Variants in JDP2 observed in about 807,000 individuals in gnomAD.
JDP2 encodes progesterone receptor co-activator.
A neutral mutation model predicts 17.1 loss-of-function variants in JDP2; 9 were observed. The ratio of observed to expected loss-of-function variants is 0.53; its 90% CI spans 0.32 to 0.92. JDP2 has a LOEUF of 0.92. JDP2 is among the 40% of genes least tolerant of loss of function. The probability of loss-of-function intolerance (pLI) is 0.04; values close to 1 mark genes in which losing one functional copy is unlikely to be tolerated. For missense variants in JDP2, 179 were observed against 220.0 expected, an observed-to-expected ratio of 0.81 and a Z score of 1.18; for synonymous variants, 107 against 95.6, an observed-to-expected ratio of 1.12 and a Z score of -0.69.
chr14:75,442,222 TA>T (rs960628936), intron 2 of JDP2, among the ~76,000 whole-genome samples: 1 of 152,160 alleles, frequency 6.6e-6, no homozygotes. Flanking sequence ...TTTTCTTTTT[TA>T]AAAAATTGAA....
intron 2 of JDP2, chr14:75,445,272 C>A: frequency 1.0e-6 from 1 of 985,422 alleles, no homozygotes; most frequent in Non-Finnish European, 1.2e-6. Context: ...TGGATTCAGG[C>A]GGGATGTGAA....
rs147116241 is a variant in JDP2, at chr14:75,433,059, G to A, written c.-24+4807G>A. Among the ~76,000 whole-genome samples, 447 of 151,678 alleles carry A rather than the reference G, an allele frequency of 2.9e-3. 1 individual carries two copies. Among genetic ancestry groups the A allele is most frequent in the African/African-American group, 0.01 (426 of 41,352 alleles). On this transcript the variant is annotated intron_variant, in intron 1 of 3. Transcript: ENST00000651602. ...TCTACTAAAAAATTAGCCAGGCATG[G>A]TGGCGCATGCCTGTAATCCCAGCTA... is the stretch of plus-strand genomic sequence containing the variant.
intron 2 of JDP2, among the ~76,000 whole-genome samples, chr14:75,442,775 G>A (rs1885414067): frequency 6.6e-6 from 1 of 152,166 alleles, no homozygotes; most frequent in South Asian, 2.1e-4. Context: ...ATATCTGAGG[G>A]TAGAGTCCTG....
chr14:75,451,266 A>G (rs967347), intron 2 of JDP2, among the ~76,000 whole-genome samples: 110,282 of 150,908 alleles, frequency 0.73, 40,782 homozygotes, highest in African/African-American at 0.84. Context: ...CTCCTGGGGG[A>G]CTGGGGCAGT....
chr14:75,467,286 A>G (rs1353096851), intron 3 of JDP2, among the ~76,000 whole-genome samples: 1 of 151,870 alleles, frequency 6.6e-6, no homozygotes, highest in East Asian at 1.9e-4. Flanking sequence ...CCCCTTCTCA[A>G]CCCAGCCTGA....
chr14:75,450,603 A>G (rs1204119698), intron 2 of JDP2, among the ~76,000 whole-genome samples: 1 of 152,174 alleles, frequency 6.6e-6, no homozygotes, highest in Admixed American at 6.5e-5. Context: ...CACAGCGTCC[A>G]GTGTGTGGGT....
chr14:75,465,023 A>G (rs1886511952), intron 3 of JDP2, among the ~76,000 whole-genome samples: 1 of 152,234 alleles, frequency 6.6e-6, no homozygotes, highest in African/African-American at 2.4e-5. Flanking sequence ...GGCCCTGGGA[A>G]GAGGAAAGGC....
At chr14:75,443,333 G>A (rs1402081889) in intron 2 of JDP2, among the ~76,000 whole-genome samples, 1 of 152,186 alleles carries the variant, frequency 6.6e-6, no homozygotes, top group Non-Finnish European at 1.5e-5. Context: ...CGTAAAGGCA[G>A]CCCACTGACA....
At chr14:75,435,210 T>G (rs1263357862) in intron 1 of JDP2, among the ~76,000 whole-genome samples, 2 of 152,188 alleles carry the variant, frequency 1.3e-5, no homozygotes, top group African/African-American at 4.8e-5. Context: ...GCTGCAGCCC[T>G]CTCTGCATTG....
Position 75,470,647 on chromosome 14 carries a change from C to G in JDP2, c.*1172C>G, listed in dbSNP as rs1886783582. On this transcript the variant is annotated 3_prime_UTR_variant, in exon 4 of 4. Transcript: ENST00000651602. ...TTTGAGAGCAGTCAGAGTGTTCGCTCACTCTGCAGATGTTTTCTGAGGGCC... is the reference window on the plus strand; with the variant it reads ...TTTGAGAGCAGTCAGAGTGTTCGCTGACTCTGCAGATGTTTTCTGAGGGCC... The G allele has an allele frequency of 6.6e-6, 1 of 152,342 alleles. No homozygotes were observed. The highest frequency in any genetic ancestry group is 1.9e-4 in the East Asian group (1 of 5,184). 9.4% of individuals were successfully genotyped at this position (152,342 alleles called of 1,614,324 possible). A position where few individuals can be genotyped will look rare whatever the true frequency, so the allele number is the denominator to read the frequency against.
At chr14:75,435,915 G>A (rs1275150382) in intron 1 of JDP2, among the ~76,000 whole-genome samples, 1 of 152,164 alleles carries the variant, frequency 6.6e-6, no homozygotes, top group African/African-American at 2.4e-5. Context: ...GGAGCTATGG[G>A]CAGAGGCTTT....
intron 2 of JDP2, among the ~76,000 whole-genome samples, chr14:75,440,898 C>T (rs1885314418): frequency 6.6e-6 from 1 of 152,234 alleles, no homozygotes; most frequent in African/African-American, 2.4e-5. Context: ...TCCAAGGTCA[C>T]TGGCTGGGAA....
intron 3 of JDP2, among the ~76,000 whole-genome samples, chr14:75,462,640 A>T (rs1222035701): frequency 1.3e-5 from 2 of 152,198 alleles, no homozygotes; most frequent in African/African-American, 4.8e-5. Flanking sequence ...CTAAATGTGC[A>T]TCCGTGTGTT....
At chr14:75,442,923 G>A (rs891522931) in intron 2 of JDP2, among the ~76,000 whole-genome samples, 7 of 152,146 alleles carry the variant, frequency 4.6e-5, no homozygotes, top group Admixed American at 3.3e-4. Flanking sequence ...AGGAATCGGT[G>A]CATACGTATC....
intron 3 of JDP2, among the ~76,000 whole-genome samples, chr14:75,463,927 G>C (rs886611975): frequency 6.6e-6 from 1 of 152,256 alleles, no homozygotes; most frequent in Non-Finnish European, 1.5e-5. Flanking sequence ...CTGAAGGGCT[G>C]CAGGAGGGGA....
intron 1 of JDP2, among the ~76,000 whole-genome samples, chr14:75,432,953 G>A (rs1884877213): frequency 6.6e-6 from 1 of 151,944 alleles, no homozygotes; most frequent in Non-Finnish European, 1.5e-5. Flanking sequence ...CGTAATCCCA[G>A]CACTTTGGGA....
At position 75,461,541 on chromosome 14, in the gene JDP2, C is replaced by A. The variant is rs376110423; in HGVS notation, c.306+11C>A. ...GAGTTTCTGCAGCGGGTGAGCTGAC[C>A]GGGTGGGTGGGGAGGCCTGCCATTC... On this transcript the variant is annotated intron_variant, in intron 3 of 3. Coordinates refer to ENST00000651602, the MANE Select transcript of JDP2 (RefSeq NM_001135048.2). 1 of 1,586,350 alleles carries A rather than the reference C, an allele frequency of 6.3e-7. No individual in the cohort carries two copies. The highest frequency in any genetic ancestry group is 8.6e-7 in the Non-Finnish European group (1 of 1,167,422).
chr14:75,467,187 G>A (rs1886599591), intron 3 of JDP2, among the ~76,000 whole-genome samples: 1 of 152,134 alleles, frequency 6.6e-6, no homozygotes, highest in African/African-American at 2.4e-5. Context: ...TGATCACAGT[G>A]GAGTAGTTTT....
chr14:75,432,359 G>C (rs1346775477), intron 1 of JDP2: 26 of 1,550,584 alleles, frequency 1.7e-5, no homozygotes, highest in Non-Finnish European at 2.3e-5. Context: ...ATGACCCCTG[G>C]CCTGGCACCT....
Sources: gnomAD v4.1 joint callset for allele counts (sites outside exome capture counted in the v4.1 genomes callset) on GRCh38, gnomAD v4.1.1 for gene constraint, MANE v1.5 for transcripts, NCBI Gene and HGNC (gene_info 2026-07-23, HGNC 2026-07-21) for gene names.